Variants in CENPP observed in about 807,000 individuals in gnomAD.
CENPP encodes centromere protein P.
CENPP carries 24 observed loss-of-function variants against 35.6 expected under a neutral mutation model. That is an observed-to-expected ratio of 0.67 (90% confidence interval 0.49 to 0.95). The LOEUF is 0.95. Among genes scored for constraint, CENPP ranks in the 40% least tolerant of loss-of-function variants. The pLI, the probability that CENPP is intolerant of heterozygous loss-of-function variation, is 0.00. For missense variants in CENPP, 332 were observed against 345.3 expected, an observed-to-expected ratio of 0.96 and a Z score of 0.31; for synonymous variants, 120 against 125.5, an observed-to-expected ratio of 0.96 and a Z score of 0.29.
At chr9:92,335,745 T>G (rs1248315321) in intron 2 of CENPP, among the ~76,000 whole-genome samples, 1 of 152,196 alleles carries the variant, frequency 6.6e-6, no homozygotes. Flanking sequence ...ATTGACCTAT[T>G]TGTATACTCT....
At chr9:92,551,932 T>TATATA (rs1554686250) in intron 5 of CENPP, among the ~76,000 whole-genome samples, 4 of 88,120 alleles carry the variant, frequency 4.5e-5, no homozygotes, top group Admixed American at 9.8e-5. Context: ...TGTGTATATA[T>TATATA]ATATATATAT....
At chr9:92,417,172 A>T (rs1843639461) in intron 5 of CENPP, 3 of 1,613,878 alleles carry the variant, frequency 1.9e-6, no homozygotes, top group African/African-American at 1.3e-5. Context: ...CAATCTTTTG[A>T]GATTTAATTT....
At chr9:92,503,105 A>G (rs1382451532) in intron 5 of CENPP, among the ~76,000 whole-genome samples, 1 of 152,156 alleles carries the variant, frequency 6.6e-6, no homozygotes, top group Non-Finnish European at 1.5e-5. Context: ...CAAATTTTAT[A>G]ACTAATTAGT....
chr9:92,518,127 T>C (rs1847839537), intron 5 of CENPP, among the ~76,000 whole-genome samples: 1 of 152,186 alleles, frequency 6.6e-6, no homozygotes, highest in Non-Finnish European at 1.5e-5. Context: ...TGAACTGCGC[T>C]TCCATTTTGT....
At chr9:92,377,140 G>C (rs748614151) in intron 4 of CENPP, among the ~76,000 whole-genome samples, 1 of 152,048 alleles carries the variant, frequency 6.6e-6, no homozygotes, top group Non-Finnish European at 1.5e-5. Flanking sequence ...CAAACTTCTA[G>C]CTTGCTTATC....
intron 5 of CENPP, among the ~76,000 whole-genome samples, chr9:92,463,932 A>T (rs1845207755): frequency 6.6e-6 from 1 of 152,228 alleles, no homozygotes; most frequent in African/African-American, 2.4e-5. Flanking sequence ...CTCTTGATTA[A>T]TAATAACAGC....
At chr9:92,453,991 G>T (rs890956953) in intron 5 of CENPP, among the ~76,000 whole-genome samples, 4 of 152,002 alleles carry the variant, frequency 2.6e-5, no homozygotes, top group African/African-American at 9.7e-5. Context: ...TTTTGTTTTA[G>T]TGACTTCTAA....
intron 5 of CENPP, chr9:92,474,819 T>C: frequency 6.2e-7 from 1 of 1,613,950 alleles, no homozygotes. Context: ...ATCATATTCT[T>C]CAGTGCGATG....
At chr9:92,495,161 C>T (rs1427328985) in intron 5 of CENPP, among the ~76,000 whole-genome samples, 1 of 152,100 alleles carries the variant, frequency 6.6e-6, no homozygotes, top group East Asian at 1.9e-4. Context: ...GATTAAATAA[C>T]TAAAGCTTAA....
At chr9:92,569,798 C>A (rs1268805109) in intron 5 of CENPP, among the ~76,000 whole-genome samples, 2 of 152,142 alleles carry the variant, frequency 1.3e-5, no homozygotes, top group African/African-American at 4.8e-5. Flanking sequence ...TCCTTCACAT[C>A]CCTTGTAAGT....
chr9:92,503,511 A>G (rs1432505275), intron 5 of CENPP, among the ~76,000 whole-genome samples: 1 of 152,234 alleles, frequency 6.6e-6, no homozygotes, highest in African/African-American at 2.4e-5. Context: ...AACAGCCTTA[A>G]TTTACAACCA....
At chr9:92,423,090 G>A (rs1227502779) in intron 5 of CENPP, among the ~76,000 whole-genome samples, 1 of 152,098 alleles carries the variant, frequency 6.6e-6, no homozygotes, top group Non-Finnish European at 1.5e-5. Context: ...ATTATTCCTA[G>A]GCATTTATTT....
In CENPP at chr9:92,476,548, G is replaced by A. The variant is rs184106864; in HGVS notation, c.564+96689G>A. 1.3e-5 allele frequency among the ~76,000 whole-genome samples: 2 copies of A among 152,284 alleles called. No individual in the cohort carries two copies. Among genetic ancestry groups the A allele is most frequent in the African/African-American group, 4.8e-5 (2 of 41,552 alleles). On this transcript the variant is annotated intron_variant, in intron 5 of 7. Transcript: ENST00000375587. The surrounding 1 kb of genome is among the most constrained non-coding windows in gnomAD (Gnocchi z 4.1). ...TGGGTAGCTGGATGGCACTGGTCAG[G>A]TATGTGTGATATTCCTGTGATAATC...
In CENPP at chr9:92,567,378, A is replaced by ATC. The variant is rs1334039104; in HGVS notation, c.565-43935_565-43934insCT. Among the ~76,000 whole-genome samples the ATC allele has an allele frequency of 2.8e-4, 25 of 88,574 alleles. No individual in the cohort carries two copies. The South Asian group carries it at 3.9e-3, about 14-fold the overall frequency. 58.1% of individuals were successfully genotyped at this position (88,574 alleles called of 152,430 possible). A position where few individuals can be genotyped will look rare whatever the true frequency, so the allele number is the denominator to read the frequency against. ...GTATACAGTTACATAAGATAGATATATATATATATATATATATAGATATAT... is the reference window on the plus strand; with the variant it reads ...GTATACAGTTACATAAGATAGATATATCTATATATATATATATATAGATATAT... On this transcript the variant is annotated intron_variant, in intron 5 of 7. Transcript: ENST00000375587.
chr9:92,367,566 T>C (rs1841917417), intron 4 of CENPP, among the ~76,000 whole-genome samples: 1 of 152,172 alleles, frequency 6.6e-6, no homozygotes, highest in Non-Finnish European at 1.5e-5. Context: ...CTGTTTCTTA[T>C]GTTTCTTCTC....
intron 5 of CENPP, among the ~76,000 whole-genome samples, chr9:92,564,937 T>G (rs1849929642): frequency 6.6e-6 from 1 of 152,226 alleles, no homozygotes; most frequent in Non-Finnish European, 1.5e-5. Context: ...CGAAAATGTT[T>G]GTAGAAATGT....
chr9:92,459,224 GA>G (rs1327435167), intron 5 of CENPP, among the ~76,000 whole-genome samples: 4 of 152,182 alleles, frequency 2.6e-5, no homozygotes, highest in Non-Finnish European at 5.9e-5. Context: ...CACTGAAAGC[GA>G]AAATACCAGG....
At chr9:92,496,540 G>T in intron 5 of CENPP, 2 of 1,559,550 alleles carry the variant, frequency 1.3e-6, no homozygotes, top group Non-Finnish European at 1.7e-6. Flanking sequence ...CTGCCTTTAG[G>T]AGTTAAGTTT....
intron 5 of CENPP, among the ~76,000 whole-genome samples, chr9:92,419,017 A>G (rs757759314): frequency 3.3e-5 from 5 of 152,156 alleles, no homozygotes; most frequent in Non-Finnish European, 7.3e-5. Flanking sequence ...CTTGTCTCCC[A>G]GGTGTTTAAA....
Sources: gnomAD v4.1 joint callset for allele counts (sites outside exome capture counted in the v4.1 genomes callset) on GRCh38, gnomAD v4.1.1 for gene constraint, Gnocchi (gnomAD v3.1) non-coding constraint, MANE v1.5 for transcripts, NCBI Gene and HGNC (gene_info 2026-07-23, HGNC 2026-07-21) for gene names.